Variants in ARMC3 observed in about 807,000 individuals in gnomAD.
ARMC3 encodes armadillo repeat-containing protein 3.
In ARMC3, 74 loss-of-function variants were observed where a neutral mutation model predicts 90.3. The observed-to-expected ratio is 0.82, with a 90% confidence interval of 0.68 to 0.99. ARMC3 has a LOEUF of 0.99. Among genes scored for constraint, ARMC3 ranks in the 50% least tolerant of loss-of-function variants. The pLI, the probability that ARMC3 is intolerant of heterozygous loss-of-function variation, is 0.00. For missense variants in ARMC3, 958 were observed against 1,042.8 expected, an observed-to-expected ratio of 0.92 and a Z score of 1.12; for synonymous variants, 334 against 361.8, an observed-to-expected ratio of 0.92 and a Z score of 0.87.
chr10:22,981,335 G>A lies in ARMC3; in HGVS notation c.917-5G>A. On this transcript the variant is annotated splice_region_variant and splice_polypyrimidine_tract_variant and intron_variant, in intron 8 of 18. Coordinates refer to ENST00000298032, the MANE Select transcript of ARMC3 (RefSeq NM_173081.5). ...CTGAATTTTTTTCCCTTTGGTGTAT[G>A]AAAGCTGAAAATAGAAAACTTTTTC... 1 of 1,593,450 alleles carries A rather than the reference G, an allele frequency of 6.3e-7. No individual in the cohort carries two copies. Among genetic ancestry groups the A allele is most frequent in the African/African-American group, 1.4e-5 (1 of 73,724 alleles).
intron 12 of ARMC3, among the ~76,000 whole-genome samples, chr10:23,002,597 CTTTT>C (rs59137245): frequency 1.4e-5 from 2 of 147,980 alleles, no homozygotes; most frequent in Non-Finnish European, 3.0e-5. Flanking sequence ...TCTTTCTTTT[CTTTT>C]TTTCTTTCTT....
chr10:22,976,508 A>AC (rs1350795458), intron 8 of ARMC3, among the ~76,000 whole-genome samples: 13 of 152,060 alleles, frequency 8.5e-5, no homozygotes, highest in Non-Finnish European at 1.3e-4. Flanking sequence ...TTTTCAAAAC[A>AC]CCCCTCTCTC....
intron 13 of ARMC3, among the ~76,000 whole-genome samples, 196 bp downstream of exon 13, chr10:23,003,610 C>T (rs1837428408): frequency 6.6e-6 from 1 of 152,122 alleles, no homozygotes; most frequent in Non-Finnish European, 1.5e-5. Context: ...CTAGAATCTG[C>T]TTACTTGTAA....
chr10:22,952,546 C>T (rs1301592652), intron 3 of ARMC3, among the ~76,000 whole-genome samples: 2 of 152,170 alleles, frequency 1.3e-5, no homozygotes, highest in African/African-American at 4.8e-5. Context: ...AACTTTCTCA[C>T]AAACAAAACT....
At chr10:22,984,480 T>C (rs1193371964) in intron 10 of ARMC3, among the ~76,000 whole-genome samples, 4 of 152,194 alleles carry the variant, frequency 2.6e-5, no homozygotes, top group Admixed American at 6.5e-5. Context: ...TAAAATCTTT[T>C]TGTAATCTAA....
intron 2 of ARMC3, among the ~76,000 whole-genome samples, chr10:22,945,195 T>C (rs574928944): frequency 6.6e-6 from 1 of 152,282 alleles, no homozygotes; most frequent in African/African-American, 2.4e-5. Flanking sequence ...GTAATATATT[T>C]CTCCATTCTC....
Position 22,958,725 on chromosome 10 carries a change from C to T in ARMC3, c.293-345C>T, listed in dbSNP as rs183120006. 1.7e-3 allele frequency among the ~76,000 whole-genome samples: 251 copies of T among 152,092 alleles called. 1 individual carries two copies. Among genetic ancestry groups the T allele is most frequent in the African/African-American group, 5.7e-3 (235 of 41,468 alleles). On this transcript the variant is annotated intron_variant, in intron 4 of 18. Transcript: ENST00000298032. ...ACTGTTCAGTAGATACTACCATTAT[C>T]ATTATTATTATTTCGAGACAGGGTC...
chr10:23,035,435 A>G (rs946264278), intron 18 of ARMC3, among the ~76,000 whole-genome samples: 1 of 152,176 alleles, frequency 6.6e-6, no homozygotes, highest in South Asian at 2.1e-4. Context: ...CAACTGAGTC[A>G]TGCAATTAAT....
At chr10:23,010,443 CT>C (rs1837896115) in intron 16 of ARMC3, among the ~76,000 whole-genome samples, 7 of 4,334 alleles carry the variant, frequency 1.6e-3, no homozygotes, top group Non-Finnish European at 4.7e-3. Flanking sequence ...TCCCTCCCCT[CT>C]CCTTCCTTTC....
chr10:23,010,458 CCT>C (rs762972004), intron 16 of ARMC3, among the ~76,000 whole-genome samples: 3,658 of 10,164 alleles, frequency 0.36, 479 homozygotes, highest in Non-Finnish European at 0.45. Flanking sequence ...TCCTTTCCCT[CCT>C]CCCTCCTTCC....
At chr10:22,989,732 T>C (rs1222651072) in intron 10 of ARMC3, among the ~76,000 whole-genome samples, 4 of 152,204 alleles carry the variant, frequency 2.6e-5, no homozygotes, top group South Asian at 2.1e-4. Context: ...GAATTATTCT[T>C]GCATTATTTC....
chr10:23,031,460 G>A (rs981785939), intron 17 of ARMC3, among the ~76,000 whole-genome samples: 4 of 152,186 alleles, frequency 2.6e-5, no homozygotes, highest in African/African-American at 9.7e-5. Flanking sequence ...GCTGGCTTGT[G>A]CAACAGCTGC....
chr10:22,985,320 G>A (rs945781363), intron 10 of ARMC3, among the ~76,000 whole-genome samples: 3 of 152,078 alleles, frequency 2.0e-5, no homozygotes. Context: ...TGGGGAAGGG[G>A]GGCTACTTGT....
Position 22,963,887 on chromosome 10 carries a change from TCACACACACACA to T in ARMC3, c.732+1834_732+1845del, listed in dbSNP as rs1218675914. Among the ~76,000 whole-genome samples, 215 of 33,798 alleles carry T rather than the reference TCACACACACACA, an allele frequency of 6.4e-3. 4 individuals carry two copies. The highest frequency in any genetic ancestry group is 0.017 in the African/African-American group (114 of 6,884). 22.2% of individuals were successfully genotyped at this position (33,798 alleles called of 152,430 possible). A position where few individuals can be genotyped will look rare whatever the true frequency, so the allele number is the denominator to read the frequency against. On this transcript the variant is annotated intron_variant, in intron 7 of 18. Transcript: ENST00000298032. The stretch of plus-strand genomic sequence containing the variant: ...CCTGGCAACAGGGCGAGACTCTGTC[TCACACACACACA>T]CACACACACACACACACACACACAA...
At chr10:23,014,379 GC>G in intron 16 of ARMC3, 1 of 1,260,950 alleles carries the variant, frequency 7.9e-7, no homozygotes, top group Non-Finnish European at 1.0e-6. Context: ...ATTAGCCATA[GC>G]CCTGTTGTCC....
intron 7 of ARMC3, among the ~76,000 whole-genome samples, chr10:22,965,790 G>T (rs1315132919): frequency 6.6e-6 from 1 of 152,050 alleles, no homozygotes; most frequent in African/African-American, 2.4e-5. Context: ...CTGCCGTTTG[G>T]TCCACCTAGT....
rs763786135 is a variant in ARMC3 at position 23,030,669 on chromosome 10, G to A, written c.2119G>A (p.Gly707Ser). 1.2e-6 allele frequency: 2 copies of A among 1,613,700 alleles called. No individual in the cohort carries two copies. Among genetic ancestry groups the A allele is most frequent in the African/African-American group, 1.3e-5 (1 of 74,876 alleles). Residue 707 changes from glycine to serine, a missense_variant, in exon 17 of 19, where the codon GGT becomes AGT. Physicochemically the swap from Gly to Ser is moderately conservative, Grantham distance 56 (BLOSUM62 0). Transcript: ENST00000298032. ...EEVMVVPKFV[G>S]EGSSDKEWCP... ...GGTTATGGTGGTACCAAAATTTGTT[G>A]GTGAAGGAAGCTCTGACAAAGAATG...
chr10:23,037,429 G>A lies in ARMC3; in HGVS notation c.2569G>A (p.Gly857Arg), dbSNP rs765595705. 5 of 1,614,020 alleles carry A rather than the reference G, an allele frequency of 3.1e-6. No individual in the cohort carries two copies. The highest frequency in any genetic ancestry group is 4.2e-6 in the Non-Finnish European group (5 of 1,179,928). The change falls in exon 19 of 19, where the codon GGA (glycine) becomes AGA (arginine). Residue 857 changes from glycine (G) to arginine (R), a missense_variant. Gly to Arg is a moderately radical substitution (Grantham distance 125). Coordinates refer to ENST00000298032, the MANE Select transcript of ARMC3 (RefSeq NM_173081.5). The part of the protein sequence containing the change: ...YVIDLMFHPG[G>R]LMKLRSREAD... ...GATTGACCTCATGTTCCATCCAGGT[G>A]GACTGATGAAGTTGAGAAGTCGAGA...
At chr10:23,008,196 A>T in intron 14 of ARMC3, 80 bp from the exon 15 acceptor site, 2 of 721,738 alleles carry the variant, frequency 2.8e-6, no homozygotes, top group Non-Finnish European at 4.4e-6. Context: ...CTTTCAGAAA[A>T]AAATCTGTTT....
Sources: gnomAD v4.1 joint callset for allele counts (sites outside exome capture counted in the v4.1 genomes callset) on GRCh38, gnomAD v4.1.1 for gene constraint, MANE v1.5 for transcripts, NCBI Gene and HGNC (gene_info 2026-07-23, HGNC 2026-07-21) for gene names.